SARNP: variants seen among roughly 807,000 people sequenced by gnomAD.
The protein encoded by SARNP is SAP domain containing ribonucleoprotein.
A neutral mutation model predicts 38.1 loss-of-function variants in SARNP; 5 were observed. The ratio of observed to expected loss-of-function variants is 0.13; its 90% confidence interval spans 0.07 to 0.28. The LOEUF (loss-of-function observed/expected upper bound fraction) is 0.28, where lower values mean the gene tolerates loss of function less well. SARNP is among the 10% of genes least tolerant of loss of function. The pLI is 1.00. For synonymous variants in SARNP, 84 were observed against 80.6 expected (o/e 1.04, Z -0.23); for missense variants, 180 against 243.9 (o/e 0.74, Z 1.75).
intron 9 of SARNP, among the ~76,000 whole-genome samples, chr12:55,781,684 C>T (rs1372726374): frequency 6.6e-6 from 1 of 152,090 alleles, no homozygotes; most frequent in African/African-American, 2.4e-5. Flanking sequence ...TGCAGCTATC[C>T]AAGAATATTC....
At chr12:55,762,876 G>A (rs1878717599) in intron 9 of SARNP, among the ~76,000 whole-genome samples, 2 of 152,168 alleles carry the variant, frequency 1.3e-5, no homozygotes, top group Non-Finnish European at 2.9e-5. Context: ...CCACCTGTCT[G>A]AACACAGCAG....
chr12:55,787,308 T>C (rs1378641984), intron 9 of SARNP, among the ~76,000 whole-genome samples: 2 of 151,804 alleles, frequency 1.3e-5, no homozygotes, highest in African/African-American at 2.4e-5. Context: ...AAGTGTTCCA[T>C]AGTGGCACAA....
chr12:55,772,712 C>CTT lies in SARNP; in HGVS notation c.502-12074_502-12073dup, dbSNP rs11428581. ...AGAAGTCAGTAGAGGGAAGCTGAAA[C>CTT]TTTTTTTTTTTTTTTTTTTGAGACA... On this transcript the variant is annotated intron_variant, in intron 9 of 10. Transcript: ENST00000336133. Among the ~76,000 whole-genome samples the CTT allele has an allele frequency of 4.6e-3, 596 of 130,204 alleles. 6 individuals are homozygous for CTT. The highest frequency in any genetic ancestry group is 0.012 in the African/African-American group (411 of 34,278). 85.4% of individuals were successfully genotyped at this position (130,204 alleles called of 152,430 possible).
chr12:55,757,495 G>A lies in SARNP; in HGVS notation c.*17C>T. ...AATGGAAAACACTGGAGAACAGAAA[G>A]TATCAGGAACTTTTCATCAGGCAAT... On this transcript the variant is annotated 3_prime_UTR_variant, in exon 11 of 11. Coordinates refer to ENST00000336133, the MANE Select transcript of SARNP (RefSeq NM_033082.4). 6.2e-7 allele frequency: 1 copy of A among 1,601,856 alleles called. No individual in the cohort carries two copies. Among genetic ancestry groups the A allele is most frequent in the Non-Finnish European group, 8.5e-7 (1 of 1,174,246 alleles).
chr12:55,794,297 T>A (rs775126206), intron 7 of SARNP, 62 bp downstream of exon 7: 1 of 1,405,930 alleles, frequency 7.1e-7, no homozygotes, highest in East Asian at 2.3e-5. Context: ...AAATAAAACC[T>A]GTTATACCAG....
intron 10 of SARNP, among the ~76,000 whole-genome samples, chr12:55,757,931 A>T (rs1283633493): frequency 6.6e-6 from 1 of 152,136 alleles, no homozygotes; most frequent in East Asian, 1.9e-4. Context: ...CAATGGGGAG[A>T]CGGAAGATTT....
intron 1 of SARNP, among the ~76,000 whole-genome samples, chr12:55,813,416 G>A (rs879669246): frequency 1.3e-5 from 2 of 152,192 alleles, no homozygotes; most frequent in Non-Finnish European, 2.9e-5. Flanking sequence ...AGGAAGGGCA[G>A]CCGGAGTACT....
rs1879535832 is a variant in SARNP at position 55,787,493 on chromosome 12, G to C, written c.501+1582C>G. Among the ~76,000 whole-genome samples, 2 of 152,124 alleles carry C rather than the reference G, an allele frequency of 1.3e-5. 1 individual carries two copies. The highest frequency in any genetic ancestry group is 2.9e-5 in the Non-Finnish European group (2 of 68,030). On this transcript the variant is annotated intron_variant, in intron 9 of 10. Coordinates refer to ENST00000336133, the MANE Select transcript of SARNP (RefSeq NM_033082.4). Reference sequence around the variant, plus strand: ...ACTCTGTTGCCCAGGCTGGAGTATAGTAGCACGATCTCGGCTCACTACAAC... The same window carrying C: ...ACTCTGTTGCCCAGGCTGGAGTATACTAGCACGATCTCGGCTCACTACAAC...
intron 9 of SARNP, among the ~76,000 whole-genome samples, chr12:55,778,240 C>T (rs1218900714): frequency 2.6e-5 from 4 of 152,084 alleles, no homozygotes; most frequent in Non-Finnish European, 4.4e-5. Context: ...TCCACCTCCA[C>T]GGTTCAAGCA....
intron 1 of SARNP, among the ~76,000 whole-genome samples, chr12:55,814,518 A>T (rs916166923): frequency 6.6e-6 from 1 of 152,196 alleles, no homozygotes; most frequent in African/African-American, 2.4e-5. Context: ...TTGACTGGAT[A>T]TCTGATACTG....
intron 9 of SARNP, among the ~76,000 whole-genome samples, chr12:55,785,332 T>C (rs1029675190): frequency 6.6e-6 from 1 of 152,160 alleles, no homozygotes; most frequent in Non-Finnish European, 1.5e-5. Context: ...AATGATCAAC[T>C]AAAACTAAAA....
intron 7 of SARNP, 47 bp downstream of exon 7, chr12:55,794,312 G>T: frequency 6.6e-7 from 1 of 1,519,434 alleles, no homozygotes; most frequent in Non-Finnish European, 9.1e-7. Context: ...TACCAGAAAA[G>T]AAAGAATAAA....
At chr12:55,790,160 C>T (rs982006739) in intron 8 of SARNP, among the ~76,000 whole-genome samples, 1 of 148,358 alleles carries the variant, frequency 6.7e-6, no homozygotes, top group Non-Finnish European at 1.5e-5. Flanking sequence ...TCACATTTCA[C>T]GGATAGTATT....
At chr12:55,802,793 T>C (rs1880019806) in intron 2 of SARNP, among the ~76,000 whole-genome samples, 1 of 151,634 alleles carries the variant, frequency 6.6e-6, no homozygotes, top group Non-Finnish European at 1.5e-5. Context: ...AGCAGAGGCT[T>C]GGTGGCAATA....
intron 9 of SARNP, among the ~76,000 whole-genome samples, chr12:55,783,087 G>A (rs1471096191): frequency 6.6e-6 from 1 of 152,122 alleles, no homozygotes; most frequent in South Asian, 2.1e-4. Context: ...TCCAGCCTGG[G>A]TGACAGAGTT....
At chr12:55,816,814 A>T (rs1443092597) in intron 1 of SARNP, among the ~76,000 whole-genome samples, 1 of 152,098 alleles carries the variant, frequency 6.6e-6, no homozygotes, top group Admixed American at 6.5e-5. Context: ...GTGTGAAAAA[A>T]CTACCAAGAG....
At chr12:55,803,201 T>A (rs1028728177) in intron 2 of SARNP, among the ~76,000 whole-genome samples, 2 of 152,056 alleles carry the variant, frequency 1.3e-5, no homozygotes, top group Admixed American at 1.3e-4. Flanking sequence ...TTGTACAAGA[T>A]GGCTGGGCGC....
At chr12:55,810,749 G>A (rs74944790) in intron 1 of SARNP, among the ~76,000 whole-genome samples, 16,048 of 149,866 alleles carry the variant, frequency 0.11, 1,786 homozygotes, top group African/African-American at 0.28. Flanking sequence ...TACCACACCC[G>A]GCCAAATTTT....
At chr12:55,803,526 A>G (rs1481269357) in intron 2 of SARNP, 103 bp downstream of exon 2, 2 of 626,798 alleles carry the variant, frequency 3.2e-6, no homozygotes, top group Non-Finnish European at 5.5e-6. Context: ...GTTAATTAAG[A>G]GCTTACATTG....
Sources: allele counts gnomAD v4.1 joint callset (sites outside exome capture counted in the v4.1 genomes callset), GRCh38; gene constraint gnomAD v4.1.1; transcripts MANE v1.5; gene names NCBI Gene and HGNC (gene_info 2026-07-23, HGNC 2026-07-21).